Variants in CNMD observed in about 807,000 individuals in gnomAD.
CNMD encodes leukocyte cell-derived chemotaxin 1.
CNMD carries 30 observed loss-of-function variants against 37.5 expected under a neutral mutation model. The ratio of observed to expected loss-of-function variants is 0.80; its 90% CI spans 0.60 to 1.09. The LOEUF (loss-of-function observed/expected upper bound fraction) is 1.09. Among genes scored for constraint, CNMD ranks in the 50% least tolerant of loss-of-function variants. CNMD has a pLI of 0.00. For missense variants in CNMD, 398 were observed against 423.9 expected, an observed-to-expected ratio of 0.94 and a Z score of 0.54; for synonymous variants, 167 against 148.2, an observed-to-expected ratio of 1.13 and a Z score of -0.92.
intron 5 of CNMD, among the ~76,000 whole-genome samples, chr13:52,710,655 C>A (rs185120506): frequency 1.3e-5 from 2 of 152,308 alleles, no homozygotes; most frequent in East Asian, 3.9e-4. Flanking sequence ...TATAACTGTA[C>A]TTATGAGAGA....
intron 4 of CNMD, among the ~76,000 whole-genome samples, chr13:52,723,620 A>T (rs1221741700): frequency 1.3e-5 from 2 of 152,216 alleles, no homozygotes; most frequent in Non-Finnish European, 2.9e-5. Context: ...CTATCCAGGT[A>T]CTAGAAACCA....
At chr13:52,712,615 C>A (rs1184699253) in intron 5 of CNMD, 101 bp downstream of exon 5, 2 of 676,652 alleles carry the variant, frequency 3.0e-6, no homozygotes, top group East Asian at 6.0e-5. Flanking sequence ...CCTGATTTAT[C>A]CTCCTTGTTA....
At chr13:52,737,125 A>T (rs1964782737) in intron 2 of CNMD, among the ~76,000 whole-genome samples, 1 of 152,206 alleles carries the variant, frequency 6.6e-6, no homozygotes. Flanking sequence ...AAGAGTGGAT[A>T]ATCCATTTGG....
Position 52,739,379 on chromosome 13 carries a change from G to T in CNMD, c.73-208C>A, listed in dbSNP as rs1594294229. On this transcript the variant is annotated intron_variant, in intron 1 of 6. Coordinates refer to ENST00000377962, the MANE Select transcript of CNMD (RefSeq NM_007015.3). The surrounding 1 kb of genome is among the most constrained non-coding windows in gnomAD (Gnocchi z 5.4). ...CGTGGAAGTGGGATGAGCAAACCCCGCAGCACAGGGCCTTCGCCCCAGGAC... is the reference window on the plus strand; with the variant it reads ...CGTGGAAGTGGGATGAGCAAACCCCTCAGCACAGGGCCTTCGCCCCAGGAC... The T allele has an allele frequency of 3.0e-6, 2 of 672,570 alleles. No individual in the cohort carries two copies. Among genetic ancestry groups the T allele is most frequent in the East Asian group, 6.0e-5 (2 of 33,164 alleles). The allele number at this position is 672,570 out of a possible 1,614,324, so 41.7% of individuals were successfully genotyped here. A position where few individuals can be genotyped will look rare whatever the true frequency, so the allele number is the denominator to read the frequency against.
At chr13:52,731,686 T>C (rs1181949194) in intron 3 of CNMD, among the ~76,000 whole-genome samples, 1 of 152,254 alleles carries the variant, frequency 6.6e-6, no homozygotes, top group Non-Finnish European at 1.5e-5. Context: ...GTATTTTTGA[T>C]ACATGAACAT....
chr13:52,716,987 A>C (rs1163103834), intron 4 of CNMD, among the ~76,000 whole-genome samples: 2 of 152,160 alleles, frequency 1.3e-5, no homozygotes, highest in Admixed American at 1.3e-4. Flanking sequence ...TGAGCATGGA[A>C]TGTTTTTCCA....
intron 2 of CNMD, among the ~76,000 whole-genome samples, chr13:52,736,452 T>C (rs1053734691): frequency 1.3e-5 from 2 of 152,100 alleles, no homozygotes; most frequent in African/African-American, 4.8e-5. Context: ...TTATGTGCAC[T>C]GCACCATCTG....
At chr13:52,738,254 G>A (rs888447453) in intron 2 of CNMD, among the ~76,000 whole-genome samples, 3 of 152,176 alleles carry the variant, frequency 2.0e-5, no homozygotes, top group Non-Finnish European at 2.9e-5. Flanking sequence ...TTTTACATAG[G>A]TGAACACTTT....
In CNMD at chr13:52,723,658, G is replaced by A. The variant is rs1421190493; in HGVS notation, c.468+339C>T. On this transcript the variant is annotated intron_variant, in intron 4 of 6. Coordinates refer to ENST00000377962, the MANE Select transcript of CNMD (RefSeq NM_007015.3). ...AGTGTTGTGCCTTTAGGCTGGGCGC[G>A]GTGGCTCACTCCTATAATCCTGGCA... is the stretch of plus-strand genomic sequence containing the variant. Among the ~76,000 whole-genome samples, 8 of 152,054 alleles carry A rather than the reference G, an allele frequency of 5.3e-5. No individual in the cohort carries two copies. The East Asian group carries it at 7.7e-4, about 15-fold the overall frequency.
At position 52,708,579 on chromosome 13, in the gene CNMD, A is replaced by C. The variant is rs975818759; in HGVS notation, c.746T>G (p.Val249Gly). The C allele has an allele frequency of 7.4e-6, 12 of 1,613,906 alleles. No individual in the cohort carries two copies. In the African/African-American group the frequency reaches 1.5e-4, roughly 20 times the overall value. Reference protein sequence around the residue: ...GRLNNETRPSVQEDSQAFNPD... With the variant: ...GRLNNETRPSGQEDSQAFNPD... Reference sequence around the variant, plus strand: ...ATTGAAGGCTTGTGAGTCCTCTTGAACACTGGGTCTGGTTTCATTATTCAG... The same window carrying C: ...ATTGAAGGCTTGTGAGTCCTCTTGACCACTGGGTCTGGTTTCATTATTCAG... The change falls in exon 6 of 7, where the codon GTT becomes GGT. Residue 249 changes from valine to glycine, a missense_variant. Val to Gly is a moderately radical substitution (Grantham distance 109). Coordinates refer to ENST00000377962, the MANE Select transcript of CNMD (RefSeq NM_007015.3).
chr13:52,707,830 C>G (rs1026935653), intron 6 of CNMD, among the ~76,000 whole-genome samples: 1 of 151,968 alleles, frequency 6.6e-6, no homozygotes, highest in Admixed American at 6.6e-5. Context: ...AAAGGTTGGG[C>G]GCGGTGGCTC....
In CNMD at chr13:52,724,039, A is replaced by G; in HGVS notation, c.426T>C (p.Pro142=). The change falls in exon 4 of 7, where the codon CCT becomes CCC. Residue 142 remains proline (P), a synonymous_variant. Coordinates refer to ENST00000377962, the MANE Select transcript of CNMD (RefSeq NM_007015.3). ...TCTGTTTGGTCACGGCGCCCACCTC[A>G]GGAATACGAGCCTTCACTTGCGCTT... is the stretch of plus-strand genomic sequence containing the variant. ...YIKAQVKARI[P]EVGAVTKQSI... is the part of the protein sequence containing the mutation. 4.3e-6 allele frequency: 7 copies of G among 1,614,120 alleles called. No individual in the cohort carries two copies. The highest frequency in any genetic ancestry group is 5.9e-6 in the Non-Finnish European group (7 of 1,179,992).
intron 3 of CNMD, 169 bp downstream of exon 3, chr13:52,733,050 G>T: frequency 1.5e-6 from 1 of 667,214 alleles, no homozygotes; most frequent in Non-Finnish European, 2.6e-6. Context: ...GACAAAGTCT[G>T]GTCCTTTCTC....
intron 4 of CNMD, among the ~76,000 whole-genome samples, chr13:52,721,235 C>G (rs1964477274): frequency 1.3e-5 from 2 of 152,250 alleles, no homozygotes; most frequent in South Asian, 4.1e-4. Context: ...GCTTGCTGGG[C>G]TCCATGGGGG....
chr13:52,731,280 G>A (rs1964662237), intron 3 of CNMD, among the ~76,000 whole-genome samples: 1 of 152,174 alleles, frequency 6.6e-6, no homozygotes. Context: ...CTGAACTGAA[G>A]GGTCCTTGAG....
rs1191345450 is a variant in CNMD, at chr13:52,703,380, T to C, written c.*215A>G. 2.1e-6 allele frequency: 1 copy of C among 468,468 alleles called. No individual in the cohort carries two copies. The highest frequency in any genetic ancestry group is 3.1e-5 in the East Asian group (1 of 32,570). The allele number at this position is 468,468 out of a possible 1,614,324, so 29.0% of individuals were successfully genotyped here. A position where few individuals can be genotyped will look rare whatever the true frequency, so the allele number is the denominator to read the frequency against. ...AAAATAACAAATAATAAAGGGGTTA[T>C]GGCATTTTAGACTTGAACTACCCTT... On this transcript the variant is annotated 3_prime_UTR_variant, in exon 7 of 7. Coordinates refer to ENST00000377962, the MANE Select transcript of CNMD (RefSeq NM_007015.3).
intron 3 of CNMD, among the ~76,000 whole-genome samples, chr13:52,729,244 AC>A (rs1273495493): frequency 2.6e-5 from 4 of 152,010 alleles, no homozygotes; most frequent in Admixed American, 6.6e-5. Context: ...GATTGGGGGC[AC>A]TCCTGACCTT....
Position 52,724,050 on chromosome 13 carries a change from C to T in CNMD, c.415G>A (p.Ala139Thr). Residue 139 changes from alanine to threonine, a missense_variant, in exon 4 of 7, where the codon GCT becomes ACT. Ala to Thr is a moderately conservative substitution (Grantham distance 58, BLOSUM62 0). Transcript: ENST00000377962. The part of the protein sequence containing the change: ...EKCYIKAQVK[A>T]RIPEVGAVTK... ...ACGGCGCCCACCTCAGGAATACGAG[C>T]CTTCACTTGCGCTTTAATGTAGCAC... 6.2e-7 allele frequency: 1 copy of T among 1,614,106 alleles called. No individual in the cohort carries two copies. The highest frequency in any genetic ancestry group is 8.5e-7 in the Non-Finnish European group (1 of 1,180,002).
At chr13:52,735,520 A>T (rs1054603966) in intron 2 of CNMD, among the ~76,000 whole-genome samples, 2 of 152,116 alleles carry the variant, frequency 1.3e-5, no homozygotes, top group Non-Finnish European at 2.9e-5. Flanking sequence ...ACATTCCTCC[A>T]CCACTACCCC....
Sources: allele counts gnomAD v4.1 joint callset (sites outside exome capture counted in the v4.1 genomes callset), GRCh38; gene constraint gnomAD v4.1.1; non-coding constraint Gnocchi (gnomAD v3.1); transcripts MANE v1.5; gene names NCBI Gene and HGNC (gene_info 2026-07-23, HGNC 2026-07-21).